Variants in ELMO1 observed in about 807,000 individuals in gnomAD.
ELMO1 encodes engulfment and cell motility protein 1.
A neutral mutation model predicts 98.9 loss-of-function variants in ELMO1; 26 were observed. That is an observed-to-expected ratio of 0.26 (90% CI 0.19 to 0.36). The LOEUF (loss-of-function observed/expected upper bound fraction) is 0.36. ELMO1 is among the 10% of genes least tolerant of loss of function. ELMO1 has a pLI of 1.00. For synonymous variants in ELMO1, 346 were observed against 346.0 expected (o/e 1.00, Z 0.00); for missense variants, 627 against 935.2 (o/e 0.67, Z 4.30).
At chr7:36,926,889 T>C (rs556839797) in intron 16 of ELMO1, among the ~76,000 whole-genome samples, 1 of 152,226 alleles carries the variant, frequency 6.6e-6, no homozygotes, top group Non-Finnish European at 1.5e-5. Context: ...TTTTTCCTAA[T>C]TCCATATGTG....
chr7:37,322,044 G>C (rs918109474), intron 2 of ELMO1, among the ~76,000 whole-genome samples: 15 of 151,700 alleles, frequency 9.9e-5, no homozygotes, highest in African/African-American at 3.6e-4. Context: ...ATTTTTAGTA[G>C]AGACGGGGTT....
chr7:36,961,841 C>T (rs1389178797), intron 16 of ELMO1, among the ~76,000 whole-genome samples: 2 of 152,164 alleles, frequency 1.3e-5, no homozygotes, highest in Non-Finnish European at 2.9e-5. Flanking sequence ...TCTACCCTGA[C>T]CTTTAATGTG....
intron 14 of ELMO1, among the ~76,000 whole-genome samples, chr7:37,119,515 G>C (rs561320622): frequency 6.6e-6 from 1 of 152,230 alleles, no homozygotes; most frequent in East Asian, 1.9e-4. Flanking sequence ...TTGTAAGTAT[G>C]ATGTAATATG....
chr7:37,011,009 G>A (rs1793511724), intron 16 of ELMO1, among the ~76,000 whole-genome samples: 1 of 152,196 alleles, frequency 6.6e-6, no homozygotes, highest in Non-Finnish European at 1.5e-5. Context: ...CTGGCCCTCA[G>A]GCCTGGAGCT....
intron 4 of ELMO1, among the ~76,000 whole-genome samples, chr7:37,302,125 G>C (rs887491424): frequency 2.1e-4 from 32 of 152,294 alleles, no homozygotes; most frequent in Admixed American, 7.2e-4. Context: ...CCATGGGGAG[G>C]AGGAGTCTAT....
chr7:36,964,737 G>T (rs1789264302), intron 16 of ELMO1, among the ~76,000 whole-genome samples: 1 of 151,906 alleles, frequency 6.6e-6, no homozygotes, highest in Admixed American at 6.6e-5. Flanking sequence ...CCTCCACATG[G>T]TCTAGAGCTT....
intron 16 of ELMO1, among the ~76,000 whole-genome samples, chr7:36,907,693 A>C (rs1784061032): frequency 6.6e-6 from 1 of 152,216 alleles, no homozygotes; most frequent in African/African-American, 2.4e-5. Flanking sequence ...ACCCGAATGC[A>C]GTCCCTTTCC....
chr7:36,993,237 C>T (rs1791987501), intron 16 of ELMO1, among the ~76,000 whole-genome samples: 1 of 152,142 alleles, frequency 6.6e-6, no homozygotes, highest in Non-Finnish European at 1.5e-5. Context: ...TACCCATAGG[C>T]CCAATGAGTC....
At chr7:37,395,472 G>A (rs1803259021) in intron 1 of ELMO1, among the ~76,000 whole-genome samples, 1 of 152,044 alleles carries the variant, frequency 6.6e-6, no homozygotes, top group Non-Finnish European at 1.5e-5. Context: ...TAGAATTGGG[G>A]CAGCCCATCA....
chr7:37,160,881 G>A (rs932383343), intron 13 of ELMO1, among the ~76,000 whole-genome samples: 2 of 152,214 alleles, frequency 1.3e-5, no homozygotes, highest in Non-Finnish European at 1.5e-5. Context: ...GGGCAGCACA[G>A]GGTCACGACT....
chr7:37,174,234 T>G (rs1014820000), intron 13 of ELMO1, among the ~76,000 whole-genome samples: 4 of 152,116 alleles, frequency 2.6e-5, no homozygotes, highest in Non-Finnish European at 4.4e-5. Flanking sequence ...CCAGCGGTCA[T>G]CTCACGTTTT....
intron 2 of ELMO1, among the ~76,000 whole-genome samples, chr7:37,329,436 G>A (rs143707914): frequency 7.6e-4 from 115 of 152,212 alleles, no homozygotes; most frequent in African/African-American, 2.6e-3. Flanking sequence ...CTTTTAGTGA[G>A]TCTGAACTAT....
At chr7:37,172,412 T>C (rs1485144457) in intron 13 of ELMO1, among the ~76,000 whole-genome samples, 1 of 152,220 alleles carries the variant, frequency 6.6e-6, no homozygotes. Context: ...GTTCTCTCTG[T>C]ATTTCTCTGA....
chr7:36,877,064 C>T (rs1477958459), intron 19 of ELMO1, among the ~76,000 whole-genome samples: 1 of 152,164 alleles, frequency 6.6e-6, no homozygotes, highest in Non-Finnish European at 1.5e-5. Flanking sequence ...TTTTCACCTT[C>T]AATGGCCGTG....
intron 16 of ELMO1, among the ~76,000 whole-genome samples, chr7:36,899,700 T>TTTTTTTA (rs60221089): frequency 2.8e-5 from 4 of 143,658 alleles, no homozygotes; most frequent in African/African-American, 7.9e-5. Context: ...TTTTTTTTTT[T>TTTTTTTA]ACCACTCCTA....
chr7:36,975,930 T>C (rs935617392), intron 16 of ELMO1, among the ~76,000 whole-genome samples: 1 of 151,900 alleles, frequency 6.6e-6, no homozygotes, highest in Non-Finnish European at 1.5e-5. Context: ...TTGAGATCCA[T>C]ATGACTCAAA....
intron 1 of ELMO1, among the ~76,000 whole-genome samples, chr7:37,417,585 A>G (rs540653049): frequency 1.8e-4 from 27 of 151,944 alleles, no homozygotes; most frequent in Non-Finnish European, 3.5e-4. Flanking sequence ...AATGGCATGA[A>G]CCCAGGAGGC....
chr7:37,114,481 G>A (rs1312831085), intron 14 of ELMO1, among the ~76,000 whole-genome samples: 1 of 152,150 alleles, frequency 6.6e-6, no homozygotes, highest in African/African-American at 2.4e-5. Flanking sequence ...GTAACTCATT[G>A]AGCCAGAGAC....
intron 16 of ELMO1, among the ~76,000 whole-genome samples, chr7:36,912,441 G>A (rs992813152): frequency 3.9e-5 from 6 of 152,298 alleles, no homozygotes; most frequent in African/African-American, 1.2e-4. Flanking sequence ...GAGTACTGAC[G>A]GAGACTGTGT....
Sources: gnomAD v4.1 joint callset for allele counts (sites outside exome capture counted in the v4.1 genomes callset) on GRCh38, gnomAD v4.1.1 for gene constraint, MANE v1.5 for transcripts, NCBI Gene and HGNC (gene_info 2026-07-23, HGNC 2026-07-21) for gene names.